LRP4: variants seen among roughly 807,000 people sequenced by gnomAD.
LRP4 encodes the protein LDL receptor related protein 4.
A neutral mutation model predicts 220.3 loss-of-function variants in LRP4; 95 were observed. The ratio of observed to expected loss-of-function variants is 0.43; its 90% CI spans 0.37 to 0.51. The LOEUF (loss-of-function observed/expected upper bound fraction) is 0.51, where lower values mean the gene tolerates loss of function less well. Ranked by LOEUF, LRP4 falls within the 20% of genes least tolerant of loss-of-function variation. The probability of loss-of-function intolerance (pLI) is 0.00; values close to 1 mark genes in which losing one functional copy is unlikely to be tolerated. For missense variants in LRP4, 1,925 were observed against 2,567.0 expected (o/e 0.75, Z 5.40); for synonymous variants, 903 against 954.6 (o/e 0.95, Z 1.00).
At chr11:46,908,717 T>C (rs965481666) in intron 1 of LRP4, among the ~76,000 whole-genome samples, 1 of 152,232 alleles carries the variant, frequency 6.6e-6, no homozygotes, top group African/African-American at 2.4e-5. Flanking sequence ...GAAAGATTCA[T>C]TTCCCTCGCC....
At chr11:46,905,291 C>T (rs1287317253) in intron 1 of LRP4, among the ~76,000 whole-genome samples, 1 of 152,228 alleles carries the variant, frequency 6.6e-6, no homozygotes, top group East Asian at 1.9e-4. Context: ...CTCAGCACAG[C>T]TGTAGGCACC....
chr11:46,869,569 T>G (rs1186004885), intron 31 of LRP4, among the ~76,000 whole-genome samples: 1 of 152,202 alleles, frequency 6.6e-6, no homozygotes, highest in Non-Finnish European at 1.5e-5. Flanking sequence ...CTGGGCCCTT[T>G]GCTCAGAGCA....
chr11:46,901,589 A>G lies in LRP4; in HGVS notation c.199+1194T>C, dbSNP rs145983130. On this transcript the variant is annotated intron_variant, in intron 2 of 37. Coordinates refer to ENST00000378623, the MANE Select transcript of LRP4 (RefSeq NM_002334.4). The stretch of plus-strand genomic sequence containing the variant: ...TTAGACTAATTAGCCACCCTCAGAC[A>G]TAGATGCTACAGGTAGGTCAGAGAT... Among the ~76,000 whole-genome samples, 801 of 152,324 alleles carry G rather than the reference A, an allele frequency of 5.3e-3. 11 individuals carry two copies. Among genetic ancestry groups the G allele is most frequent in the African/African-American group, 0.018 (754 of 41,562 alleles).
chr11:46,864,838 G>A (rs947495903), intron 35 of LRP4, among the ~76,000 whole-genome samples: 33 of 152,158 alleles, frequency 2.2e-4, no homozygotes, highest in African/African-American at 7.7e-4. Context: ...ATAATAAATT[G>A]CTCATAGGAC....
At chr11:46,898,862 C>T (rs1941601125) in intron 6 of LRP4, 42 bp downstream of exon 6, 1 of 1,613,468 alleles carries the variant, frequency 6.2e-7, no homozygotes, top group East Asian at 2.2e-5. Context: ...GCAGTTCTTC[C>T]CAGCCTGGCC....
Position 46,873,454 on chromosome 11 carries a change from G to A in LRP4, c.4369C>T (p.Leu1457=). ...AGTACTTTGCGGCAGGAACCATCCAGCCTGGACGCCTCAATGGTATTTCGA... is the reference window on the plus strand; with the variant it reads ...AGTACTTTGCGGCAGGAACCATCCAACCTGGACGCCTCAATGGTATTTCGA... ...TGRNTIEASR[L]DGSCRKVLIN... The change falls in exon 29 of 38, where the codon CTG becomes TTG. Residue 1457 remains leucine, a synonymous_variant. Transcript: ENST00000378623. The surrounding 1 kb of genome is among the most constrained non-coding windows in gnomAD (Gnocchi z 4.2). 6.2e-7 allele frequency: 1 copy of A among 1,614,186 alleles called. No individual in the cohort carries two copies.
chr11:46,889,590 G>A lies in LRP4; in HGVS notation c.2093-57C>T, dbSNP rs367974089. 26 of 1,606,362 alleles carry A rather than the reference G, an allele frequency of 1.6e-5. No homozygotes were observed. The African/African-American group carries it at 3.3e-4, about 21-fold the overall frequency. ...CGAAGGTCTGCAAAAGTGACCCCAA[G>A]ACTAGGGAATAGGGGTTTAGGTAGG... On this transcript the variant is annotated intron_variant, in intron 15 of 37. Coordinates refer to ENST00000378623, the MANE Select transcript of LRP4 (RefSeq NM_002334.4).
Position 46,875,334 on chromosome 11 carries a change from T to A in LRP4, c.3925+122A>T. The A allele has an allele frequency of 1.0e-6, 1 of 996,760 alleles. No individual in the cohort carries two copies. Among genetic ancestry groups the A allele is most frequent in the Non-Finnish European group, 1.5e-6 (1 of 652,524 alleles). The allele number at this position is 996,760 out of a possible 1,614,324, so 61.7% of individuals were successfully genotyped here. On this transcript the variant is annotated intron_variant, in intron 27 of 37. Transcript: ENST00000378623. This position sits in a 1 kb window ranked among gnomAD's most constrained non-coding sequence, Gnocchi z 4.5. ...AACACAGCCCAATCTGGAAGGGAGC[T>A]TAAACAGGTCACCGTCTTTCTGGCT...
At chr11:46,894,967 T>C in intron 11 of LRP4, 148 bp from the exon 12 acceptor site, 1 of 1,051,224 alleles carries the variant, frequency 9.5e-7, no homozygotes, top group Non-Finnish European at 1.4e-6. Context: ...AGTGGCAACC[T>C]TTAAACTATA....
intron 8 of LRP4, 74 bp downstream of exon 8, chr11:46,896,795 C>G: frequency 6.2e-7 from 1 of 1,608,248 alleles, no homozygotes; most frequent in Non-Finnish European, 8.5e-7. Flanking sequence ...TGGAAAGATA[C>G]CAAAGCACCC....
chr11:46,881,096 T>C lies in LRP4; in HGVS notation c.2814+606A>G, dbSNP rs1303329529. 3.5e-5 allele frequency among the ~76,000 whole-genome samples: 4 copies of C among 114,598 alleles called. No individual in the cohort carries two copies. In the East Asian group the frequency reaches 1.2e-3, roughly 33 times the overall value. 75.2% of individuals were successfully genotyped at this position (114,598 alleles called of 152,430 possible). On this transcript the variant is annotated intron_variant, in intron 20 of 37. Coordinates refer to ENST00000378623, the MANE Select transcript of LRP4 (RefSeq NM_002334.4). ...AAAAAAAAAAAAAAAGACAGTAATA[T>C]TGGATCAATGTTAGATTTCCTGATT... is the stretch of plus-strand genomic sequence containing the variant.
At chr11:46,896,765 T>G (rs1289486382) in intron 8 of LRP4, 104 bp downstream of exon 8, 2 of 1,560,722 alleles carry the variant, frequency 1.3e-6, no homozygotes, top group East Asian at 4.5e-5. Flanking sequence ...GATTTTACAC[T>G]GGTAAAACCT....
chr11:46,894,476 G>T, intron 12 of LRP4, 113 bp downstream of exon 12: 1 of 796,332 alleles, frequency 1.3e-6, no homozygotes, highest in Non-Finnish European at 2.1e-6. Context: ...AGATTTCCCT[G>T]GAAGAAAAAG....
intron 7 of LRP4, among the ~76,000 whole-genome samples, chr11:46,897,997 G>C (rs796928310): frequency 3.0e-5 from 4 of 132,528 alleles, no homozygotes; most frequent in Non-Finnish European, 6.4e-5. Context: ...CTGGCCGGGC[G>C]GGGGGCTGAC....
intron 1 of LRP4, among the ~76,000 whole-genome samples, chr11:46,914,332 A>C (rs1358947590): frequency 6.6e-6 from 1 of 152,182 alleles, no homozygotes; most frequent in Non-Finnish European, 1.5e-5. Flanking sequence ...CTTCGTATAC[A>C]GTGATTATAT....
intron 13 of LRP4, among the ~76,000 whole-genome samples, chr11:46,892,174 C>G (rs902728723): frequency 6.6e-6 from 1 of 152,140 alleles, no homozygotes; most frequent in Non-Finnish European, 1.5e-5. Context: ...CTCAAGTGAT[C>G]CTCCTTCCTT....
Position 46,890,461 on chromosome 11 carries a change from G to C in LRP4, c.1731C>G (p.Pro577=), listed in dbSNP as rs762761020. ...TIYWTDWGNT[P]RIEASSMDGS... is the part of the protein sequence containing the mutation. Reference sequence around the variant, plus strand: ...CATCCATGCTGGAGGCCTCAATACGGGGGGTGTTGCCCCAGTCTGTCCAGT... The same window carrying C: ...CATCCATGCTGGAGGCCTCAATACGCGGGGTGTTGCCCCAGTCTGTCCAGT... The change falls in exon 14 of 38, where the codon CCC becomes CCG. Residue 577 remains proline, a synonymous_variant. Transcript: ENST00000378623. This position sits in a 1 kb window ranked among gnomAD's most constrained non-coding sequence, Gnocchi z 5.3. 2 of 1,614,128 alleles carry C rather than the reference G, an allele frequency of 1.2e-6. No homozygotes were observed. The highest frequency in any genetic ancestry group is 2.2e-5 in the East Asian group (1 of 44,880).
intron 1 of LRP4, among the ~76,000 whole-genome samples, chr11:46,906,937 G>A (rs1323768143): frequency 2.6e-5 from 4 of 152,140 alleles, no homozygotes; most frequent in African/African-American, 9.7e-5. Flanking sequence ...GCTTGACTTG[G>A]GCATTCATAC....
chr11:46,902,686 C>A, intron 2 of LRP4, 97 bp downstream of exon 2: 2 of 1,439,438 alleles, frequency 1.4e-6, no homozygotes, highest in South Asian at 2.3e-5. Flanking sequence ...CTGAGTCCGA[C>A]ACAGTTGATG....
Sources: allele counts gnomAD v4.1 joint callset (sites outside exome capture counted in the v4.1 genomes callset), GRCh38; gene constraint gnomAD v4.1.1; non-coding constraint Gnocchi (gnomAD v3.1); transcripts MANE v1.5; gene names NCBI Gene and HGNC (gene_info 2026-07-23, HGNC 2026-07-21).